Variants in PCA3 observed in about 807,000 individuals in gnomAD.
PCA3 encodes the protein Differential Display code 3.
chr9:76,782,897 C>G (rs1173124140), intron 2 of PCA3: 1 of 152,214 alleles, frequency 6.6e-6, no homozygotes, highest in Admixed American at 6.5e-5. Context: ...AACCATATAC[C>G]TGCTATTCGC....
At chr9:76,780,481 A>T (rs937405232) in intron 2 of PCA3, among the ~76,000 whole-genome samples, 2 of 152,066 alleles carry the variant, frequency 1.3e-5, no homozygotes, top group Admixed American at 1.3e-4. Flanking sequence ...AGGCCAGGAG[A>T]TCAAGACCAT....
At chr9:76,782,593 T>C (rs1271522069) in intron 2 of PCA3, 2 of 152,210 alleles carry the variant, frequency 1.3e-5, no homozygotes, top group Non-Finnish European at 2.9e-5. Flanking sequence ...TCCATGTAAA[T>C]ACTTTGCTAA....
intron 2 of PCA3, chr9:76,786,278 G>A (rs918710731): frequency 1.4e-4 from 21 of 152,080 alleles, no homozygotes; most frequent in Admixed American, 6.6e-4. Context: ...ATGCTCATAG[G>A]AGAGAATATA....
intron 2 of PCA3, among the ~76,000 whole-genome samples, chr9:76,767,222 T>A (rs1295181918): frequency 1.3e-5 from 2 of 151,968 alleles, no homozygotes; most frequent in Non-Finnish European, 2.9e-5. Context: ...GAGGCCGAGG[T>A]GGGCAGATCA....
intron 2 of PCA3, among the ~76,000 whole-genome samples, chr9:76,769,343 G>A (rs1047925345): frequency 2.0e-5 from 3 of 152,174 alleles, no homozygotes; most frequent in Non-Finnish European, 4.4e-5. Context: ...CAGTAGCTCC[G>A]TAGCACTTCT....
At chr9:76,767,099 A>G (rs2052487892) in intron 2 of PCA3, among the ~76,000 whole-genome samples, 1 of 152,174 alleles carries the variant, frequency 6.6e-6, no homozygotes, top group Non-Finnish European at 1.5e-5. Context: ...TCTGTTTAAC[A>G]AATAAACTCT....
chr9:76,770,325 T>C (rs1290986543), intron 2 of PCA3, among the ~76,000 whole-genome samples: 1 of 152,198 alleles, frequency 6.6e-6, no homozygotes, highest in African/African-American at 2.4e-5. Context: ...CAAATACTTT[T>C]GGGAATGAGA....
rs772998300 is a variant in PCA3, at chr9:76,768,057, G to C, written n.852+31442G>C. 1.9e-3 allele frequency among the ~76,000 whole-genome samples: 289 copies of C among 152,258 alleles called. 1 individual carries two copies. The highest frequency in any genetic ancestry group is 3.1e-3 in the Non-Finnish European group (208 of 68,016). The stretch of plus-strand genomic sequence containing the variant: ...ACAGCGGCAGGTCAGAGGGAGTCCT[G>C]TCACCTCCCAGCCCCACCAATCCCT... On this transcript the variant is annotated intron_variant and non_coding_transcript_variant, in intron 2 of 5. Coordinates refer to ENST00000644657, the Ensembl canonical transcript of PCA3.
chr9:76,773,108 T>C (rs1349242924), intron 2 of PCA3, among the ~76,000 whole-genome samples: 4 of 152,244 alleles, frequency 2.6e-5, no homozygotes, highest in African/African-American at 9.6e-5. Flanking sequence ...CAGCTTCCCC[T>C]ACTTTATATT....
intron 2 of PCA3, among the ~76,000 whole-genome samples, chr9:76,782,147 G>A (rs1467778349): frequency 6.6e-6 from 1 of 152,082 alleles, no homozygotes; most frequent in African/African-American, 2.4e-5. Context: ...CCGGGAGGTG[G>A]AGCTTGCAGT....
At chr9:76,772,642 T>C (rs1469241043) in intron 2 of PCA3, among the ~76,000 whole-genome samples, 8 of 152,160 alleles carry the variant, frequency 5.3e-5, no homozygotes, top group Non-Finnish European at 1.0e-4. Context: ...CAGTTCACTG[T>C]AGCCTTGGCC....
chr9:76,783,978 C>T (rs1332181368), intron 2 of PCA3: 1 of 152,196 alleles, frequency 6.6e-6, no homozygotes, highest in African/African-American at 2.4e-5. Flanking sequence ...TACTCACTGT[C>T]CTCCCGGAAT....
intron 2 of PCA3, among the ~76,000 whole-genome samples, chr9:76,772,005 T>C (rs995006038): frequency 1.3e-5 from 2 of 152,212 alleles, no homozygotes; most frequent in Admixed American, 6.5e-5. Context: ...CAAATTTGCC[T>C]ATACGAAGTC....
chr9:76,766,887 G>T (rs906023076), intron 2 of PCA3, among the ~76,000 whole-genome samples: 2 of 152,034 alleles, frequency 1.3e-5, no homozygotes, highest in South Asian at 4.1e-4. Context: ...TCATACACAG[G>T]CATACACATA....
intron 2 of PCA3, among the ~76,000 whole-genome samples, chr9:76,768,404 G>A (rs983846624): frequency 3.9e-5 from 6 of 152,018 alleles, no homozygotes; most frequent in African/African-American, 1.5e-4. Context: ...TGTTGGCCAA[G>A]CTGGTCTCAA....
intron 2 of PCA3, among the ~76,000 whole-genome samples, chr9:76,771,064 A>C (rs627587): frequency 0.55 from 82,983 of 151,732 alleles, 24,432 homozygotes; most frequent in African/African-American, 0.77. Flanking sequence ...ACAAAAAATT[A>C]TCTAAAGATA....
At chr9:76,769,719 A>G (rs7859285) in intron 2 of PCA3, among the ~76,000 whole-genome samples, 3,463 of 152,246 alleles carry the variant, frequency 0.023, 124 homozygotes, top group African/African-American at 0.077. Context: ...AACACTTTCA[A>G]TATATGTCGT....
At chr9:76,768,335 G>C (rs749569977) in intron 2 of PCA3, among the ~76,000 whole-genome samples, 1 of 152,144 alleles carries the variant, frequency 6.6e-6, no homozygotes, top group Non-Finnish European at 1.5e-5. Context: ...TGGGATTACA[G>C]GCCTGCGCCA....
chr9:76,773,838 A>C (rs911072249), intron 2 of PCA3, among the ~76,000 whole-genome samples: 4 of 152,230 alleles, frequency 2.6e-5, no homozygotes, highest in South Asian at 2.1e-4. Flanking sequence ...AAACTTACTT[A>C]GGAGACCCCA....
Sources: allele counts gnomAD v4.1 joint callset (sites outside exome capture counted in the v4.1 genomes callset), GRCh38; gene constraint gnomAD v4.1.1; transcripts MANE v1.5; gene names NCBI Gene and HGNC (gene_info 2026-07-23, HGNC 2026-07-21).